Variants in ITIH5 observed in about 807,000 individuals in gnomAD.
ITIH5 encodes the protein inter-alpha-trypsin inhibitor heavy chain H5.
Under a neutral mutation model 77.5 loss-of-function variants are expected in ITIH5, and 65 were observed. The ratio of observed to expected loss-of-function variants is 0.84; its 90% CI spans 0.69 to 1.03. The LOEUF is 1.03. Among genes scored for constraint, ITIH5 ranks in the 50% least tolerant of loss-of-function variants. The pLI, the probability that ITIH5 is intolerant of heterozygous loss-of-function variation, is 0.00. For synonymous variants in ITIH5, 525 were observed against 494.3 expected, an observed-to-expected ratio of 1.06 and a Z score of -0.82; for missense variants, 1,208 against 1,213.1, an observed-to-expected ratio of 1.00 and a Z score of 0.06.
Position 7,576,840 on chromosome 10 carries a change from T to C in ITIH5, c.1591A>G (p.Thr531Ala), listed in dbSNP as rs1304759996. Reference sequence around the variant, plus strand: ...ATGAATTTCTTACTGTTGCTGGCGGTGACCTCCACGTGCAGGTGATCCAGC... The same window carrying C: ...ATGAATTTCTTACTGTTGCTGGCGGCGACCTCCACGTGCAGGTGATCCAGC... ...RKLDHLHVEVTASNSKKFIIL... is the reference protein window; with the variant it reads ...RKLDHLHVEVAASNSKKFIIL... Residue 531 changes from threonine (T) to alanine (A), a missense_variant, in exon 10 of 14, where the codon ACC (threonine) becomes GCC (alanine). Transcript: ENST00000397146. 6.2e-7 allele frequency: 1 copy of C among 1,614,168 alleles called. No homozygotes were observed. The highest frequency in any genetic ancestry group is 2.2e-5 in the East Asian group (1 of 44,872).
chr10:7,577,276 A>G (rs1045838518), intron 9 of ITIH5, among the ~76,000 whole-genome samples: 8 of 152,200 alleles, frequency 5.3e-5, no homozygotes, highest in African/African-American at 1.9e-4. Flanking sequence ...ACCTGCTTAT[A>G]GTAGATTAAA....
At chr10:7,632,190 A>T (rs1278709929) in intron 5 of ITIH5, among the ~76,000 whole-genome samples, 1 of 152,204 alleles carries the variant, frequency 6.6e-6, no homozygotes, top group Non-Finnish European at 1.5e-5. Flanking sequence ...AAGGGAATAG[A>T]TCTCAACCTT....
chr10:7,607,790 T>C (rs1833154983), intron 7 of ITIH5, among the ~76,000 whole-genome samples: 1 of 152,156 alleles, frequency 6.6e-6, no homozygotes, highest in Non-Finnish European at 1.5e-5. Flanking sequence ...CTCCGGCCTG[T>C]GCAACAAGAG....
chr10:7,646,158 C>T (rs566112053), intron 2 of ITIH5, among the ~76,000 whole-genome samples: 2 of 152,348 alleles, frequency 1.3e-5, no homozygotes, highest in South Asian at 2.1e-4. Context: ...CTGCACCCAG[C>T]TCTGATTTCT....
intron 7 of ITIH5, among the ~76,000 whole-genome samples, chr10:7,610,069 C>CTTTTTTTTTT (rs5782989): frequency 2.3e-5 from 2 of 86,736 alleles, no homozygotes; most frequent in Admixed American, 1.4e-4. Context: ...TTTCTTTTTT[C>CTTTTTTTTTT]TTTTTTTTTT....
chr10:7,576,193 A>AT (rs1014814144), intron 10 of ITIH5, among the ~76,000 whole-genome samples: 7 of 150,668 alleles, frequency 4.6e-5, no homozygotes, highest in African/African-American at 1.2e-4. Flanking sequence ...TAGATAATTA[A>AT]TTTTTTTTTC....
intron 7 of ITIH5, among the ~76,000 whole-genome samples, chr10:7,589,673 C>T (rs1390084370): frequency 1.3e-5 from 2 of 151,858 alleles, no homozygotes; most frequent in Admixed American, 6.6e-5. Context: ...TCCTATCCCC[C>T]GACACTCTGC....
chr10:7,642,920 T>C (rs1362439632), intron 2 of ITIH5, among the ~76,000 whole-genome samples: 2 of 152,224 alleles, frequency 1.3e-5, no homozygotes, highest in Non-Finnish European at 1.5e-5. Context: ...AAGCATGTTA[T>C]GGGCTGTGTC....
chr10:7,566,799 AGAGGAAGAGGAAGAG>A (rs746068747), intron 12 of ITIH5, among the ~76,000 whole-genome samples: 201 of 13,628 alleles, frequency 0.015, 26 homozygotes, highest in East Asian at 0.066. Flanking sequence ...AAGAAGAAGA[AGAGGAAGAGGAAGAG>A]GAAGAGGAAG....
chr10:7,599,153 T>C (rs765640111), intron 7 of ITIH5, among the ~76,000 whole-genome samples: 5 of 152,214 alleles, frequency 3.3e-5, no homozygotes, highest in Non-Finnish European at 7.4e-5. Context: ...AACTCAGGGC[T>C]AGAAATAGAT....
intron 5 of ITIH5, chr10:7,621,604 C>A (rs1833474873): frequency 6.6e-6 from 1 of 152,090 alleles, no homozygotes; most frequent in Admixed American, 6.5e-5. Context: ...AAATGTGACC[C>A]AATAAATTTT....
intron 9 of ITIH5, chr10:7,578,583 CGGT>C (rs1400669443): frequency 6.6e-6 from 1 of 152,194 alleles, no homozygotes; most frequent in Non-Finnish European, 1.5e-5. Flanking sequence ...TGGGAGGAAA[CGGT>C]GGCGAATCCC....
intron 1 of ITIH5, among the ~76,000 whole-genome samples, chr10:7,656,224 G>A (rs768698982): frequency 6.6e-6 from 1 of 152,262 alleles, no homozygotes; most frequent in Admixed American, 6.5e-5. Context: ...TGATGAAATC[G>A]TCTTTTTTTA....
In ITIH5 at chr10:7,642,079, A is replaced by T. The variant is rs781350545; in HGVS notation, c.147T>A (p.Pro49=). The part of the protein sequence containing the change: ...VRLLQRLKTK[P]LMTEFSVKST... Reference sequence around the variant, plus strand: ...ACTTCACTGAGAATTCTGTCATCAAAGGTTTGGTTTTCTGTAGGAATGAAA... The same window carrying T: ...ACTTCACTGAGAATTCTGTCATCAATGGTTTGGTTTTCTGTAGGAATGAAA... The change falls in exon 3 of 14, where the codon CCT becomes CCA. Residue 49 remains proline (P), a synonymous_variant. Transcript: ENST00000397146. 1 of 1,613,748 alleles carries T rather than the reference A, an allele frequency of 6.2e-7. No homozygotes were observed. The highest frequency in any genetic ancestry group is 8.5e-7 in the Non-Finnish European group (1 of 1,179,788).
chr10:7,584,341 T>A (rs1326878681), intron 8 of ITIH5, among the ~76,000 whole-genome samples: 1 of 149,170 alleles, frequency 6.7e-6, no homozygotes, highest in East Asian at 2.0e-4. Context: ...AGTCTCGCTG[T>A]CACCCAGGCT....
At chr10:7,629,435 T>C (rs1019503787) in intron 5 of ITIH5, among the ~76,000 whole-genome samples, 13 of 150,980 alleles carry the variant, frequency 8.6e-5, no homozygotes, top group Admixed American at 1.3e-4. Context: ...GTGTCCGTGT[T>C]GTGGCATGCA....
chr10:7,595,364 A>G (rs892752855), intron 7 of ITIH5, among the ~76,000 whole-genome samples: 1 of 152,180 alleles, frequency 6.6e-6, no homozygotes, highest in African/African-American at 2.4e-5. Flanking sequence ...CTATTCGGGT[A>G]GCGAAGACAT....
chr10:7,570,901 C>T (rs533679175), intron 11 of ITIH5, among the ~76,000 whole-genome samples: 2 of 152,302 alleles, frequency 1.3e-5, no homozygotes, highest in Non-Finnish European at 2.9e-5. Flanking sequence ...GGATTTCAGG[C>T]GTGAGCCACC....
chr10:7,644,883 ATCACATATATATATC>A (rs1371853245), intron 2 of ITIH5, among the ~76,000 whole-genome samples: 9 of 119,514 alleles, frequency 7.5e-5, no homozygotes, highest in African/African-American at 2.9e-4. Flanking sequence ...ACATATATAT[ATCACATATATATATC>A]ACATATATAT....
Sources: gnomAD v4.1 joint callset for allele counts (sites outside exome capture counted in the v4.1 genomes callset) on GRCh38, gnomAD v4.1.1 for gene constraint, MANE v1.5 for transcripts, NCBI Gene and HGNC (gene_info 2026-07-23, HGNC 2026-07-21) for gene names.